MAPRE3: variants seen among roughly 807,000 people sequenced by gnomAD.
The protein encoded by MAPRE3 is microtubule-associated protein RP/EB family member 3.
MAPRE3 carries 2 observed loss-of-function variants against 30.5 expected under a neutral mutation model. The ratio of observed to expected loss-of-function variants is 0.07; its 90% CI spans 0.03 to 0.21. The LOEUF (loss-of-function observed/expected upper bound fraction) is 0.21. MAPRE3 is among the 10% of genes least tolerant of loss of function. The probability of loss-of-function intolerance (pLI) is 1.00; values close to 1 mark genes in which losing one functional copy is unlikely to be tolerated. For missense variants in MAPRE3, 204 were observed against 351.8 expected (o/e 0.58, Z 3.36); for synonymous variants, 110 against 127.7 (o/e 0.86, Z 0.93).
chr2:27,022,560 G>C (rs1402746543), intron 2 of MAPRE3: 1 of 546,090 alleles, frequency 1.8e-6, no homozygotes, highest in Non-Finnish European at 3.2e-6. Context: ...CGGCTATATG[G>C]TATAGCCTAC....
intron 1 of MAPRE3, among the ~76,000 whole-genome samples, chr2:26,982,724 A>G (rs1666140184): frequency 6.6e-6 from 1 of 152,194 alleles, no homozygotes; most frequent in Admixed American, 6.5e-5. Flanking sequence ...CTGTTTATCC[A>G]TTTCACTAGA....
At chr2:26,993,266 A>C (rs1666386903) in intron 1 of MAPRE3, among the ~76,000 whole-genome samples, 1 of 152,156 alleles carries the variant, frequency 6.6e-6, no homozygotes, top group Non-Finnish European at 1.5e-5. Context: ...GCTACTCGGG[A>C]GGCTGAGGCA....
intron 1 of MAPRE3, among the ~76,000 whole-genome samples, chr2:26,975,048 GA>G (rs1432179974): frequency 6.6e-6 from 1 of 152,236 alleles, no homozygotes; most frequent in Non-Finnish European, 1.5e-5. Context: ...CGGAGTATAT[GA>G]AATGTATCTT....
At chr2:26,980,300 G>A (rs530700425) in intron 1 of MAPRE3, among the ~76,000 whole-genome samples, 1 of 152,328 alleles carries the variant, frequency 6.6e-6, no homozygotes, top group East Asian at 1.9e-4. Context: ...GCAATGGCTG[G>A]TCACCAGAGA....
At chr2:27,016,050 A>C (rs1666975692) in intron 1 of MAPRE3, among the ~76,000 whole-genome samples, 1 of 152,184 alleles carries the variant, frequency 6.6e-6, no homozygotes, top group Non-Finnish European at 1.5e-5. Context: ...AAACCTCCTC[A>C]ACTTTTCTTT....
At chr2:26,992,891 C>T (rs1006441716) in intron 1 of MAPRE3, among the ~76,000 whole-genome samples, 3 of 152,170 alleles carry the variant, frequency 2.0e-5, no homozygotes, top group African/African-American at 4.8e-5. Flanking sequence ...TGTGTTGCTT[C>T]TCTCCTGAGA....
intron 1 of MAPRE3, among the ~76,000 whole-genome samples, chr2:26,990,018 A>G (rs1004040110): frequency 1.3e-5 from 2 of 152,178 alleles, no homozygotes; most frequent in African/African-American, 2.4e-5. Context: ...GTCTCTACAA[A>G]AAATCTTAAA....
At chr2:26,988,409 T>C (rs1160101053) in intron 1 of MAPRE3, among the ~76,000 whole-genome samples, 1 of 152,234 alleles carries the variant, frequency 6.6e-6, no homozygotes, top group East Asian at 1.9e-4. Flanking sequence ...GTTAGCTAAG[T>C]GGTCATTAAT....
intron 1 of MAPRE3, among the ~76,000 whole-genome samples, chr2:27,005,957 C>T (rs1216459455): frequency 2.0e-5 from 3 of 152,120 alleles, no homozygotes; most frequent in Non-Finnish European, 4.4e-5. Flanking sequence ...CCGAGGTGGG[C>T]GGATCACGAG....
intron 1 of MAPRE3, among the ~76,000 whole-genome samples, chr2:27,018,587 C>A (rs1407864636): frequency 6.6e-6 from 1 of 152,164 alleles, no homozygotes; most frequent in Non-Finnish European, 1.5e-5. Context: ...AGGGACAAAT[C>A]TTTTCAATTT....
rs1666201739 is a variant in MAPRE3 at position 26,985,634 on chromosome 2, CTG to C, written c.-8+14835_-8+14836del. ...TTTCTTACTGCTGCCTAACAAATTA[CTG>C]TGAGAGTTCTAATCCCCCAGAACTG... On this transcript the variant is annotated intron_variant, in intron 1 of 6. Coordinates refer to ENST00000233121, the MANE Select transcript of MAPRE3 (RefSeq NM_012326.4). This position sits in a 1 kb window ranked among gnomAD's most constrained non-coding sequence, Gnocchi z 4.2. Among the ~76,000 whole-genome samples the C allele has an allele frequency of 6.6e-6, 1 of 152,242 alleles. No homozygotes were observed. The highest frequency in any genetic ancestry group is 2.1e-4 in the South Asian group (1 of 4,834).
intron 1 of MAPRE3, among the ~76,000 whole-genome samples, chr2:26,976,644 A>G (rs1278597047): frequency 6.6e-6 from 1 of 152,208 alleles, no homozygotes; most frequent in Non-Finnish European, 1.5e-5. Context: ...TAGGCTCTGG[A>G]TGCTTCATTT....
At chr2:26,981,287 G>A (rs1359545221) in intron 1 of MAPRE3, among the ~76,000 whole-genome samples, 5 of 152,104 alleles carry the variant, frequency 3.3e-5, no homozygotes, top group Non-Finnish European at 5.9e-5. Flanking sequence ...GGCATGTTCA[G>A]GGCAAGGTTT....
chr2:26,993,367 C>G (rs1176811182), intron 1 of MAPRE3, among the ~76,000 whole-genome samples: 1 of 152,066 alleles, frequency 6.6e-6, no homozygotes, highest in African/African-American at 2.4e-5. Context: ...TGGAACTCAT[C>G]TCAAGAAAAA....
intron 1 of MAPRE3, among the ~76,000 whole-genome samples, chr2:26,976,091 T>G (rs1333389022): frequency 6.6e-6 from 1 of 152,208 alleles, no homozygotes; most frequent in Non-Finnish European, 1.5e-5. Context: ...GCCTCTTAGT[T>G]AATGTCAAGA....
chr2:26,990,979 C>T (rs945732029), intron 1 of MAPRE3, among the ~76,000 whole-genome samples: 2 of 152,286 alleles, frequency 1.3e-5, no homozygotes, highest in East Asian at 1.9e-4. Flanking sequence ...GATCCACGGC[C>T]GGGCAGTCTC....
chr2:26,990,691 C>T (rs1040758392), intron 1 of MAPRE3, among the ~76,000 whole-genome samples: 1 of 152,132 alleles, frequency 6.6e-6, no homozygotes, highest in Non-Finnish European at 1.5e-5. Context: ...ATTTTATGCA[C>T]CTCTGTGTTT....
chr2:27,023,988 C>A, intron 3 of MAPRE3, 108 bp from the exon 4 acceptor site: 2 of 802,620 alleles, frequency 2.5e-6, no homozygotes, highest in Non-Finnish European at 2.1e-6. Context: ...AGGTGGAGGA[C>A]GCTGCAGCCC....
intron 1 of MAPRE3, among the ~76,000 whole-genome samples, chr2:26,975,467 G>A (rs1665996060): frequency 6.6e-6 from 1 of 152,148 alleles, no homozygotes; most frequent in African/African-American, 2.4e-5. Flanking sequence ...TAAAGAACCA[G>A]GGCAAGCTGT....
Sources: allele counts gnomAD v4.1 joint callset (sites outside exome capture counted in the v4.1 genomes callset), GRCh38; gene constraint gnomAD v4.1.1; non-coding constraint Gnocchi (gnomAD v3.1); transcripts MANE v1.5; gene names NCBI Gene and HGNC (gene_info 2026-07-23, HGNC 2026-07-21).